The following CREB3L1 variants were observed in gnomAD, a reference collection of about 807,000 sequenced individuals.
CREB3L1 encodes cyclic AMP-responsive element-binding protein 3-like protein 1.
In CREB3L1, 33 loss-of-function variants were observed where a neutral mutation model predicts 54.5. That is an observed-to-expected ratio of 0.61 (90% CI 0.46 to 0.81). CREB3L1 has a LOEUF of 0.81. Ranked by LOEUF, CREB3L1 falls within the 30% of genes least tolerant of loss-of-function variation. CREB3L1 has a pLI of 0.00. For synonymous variants in CREB3L1, 284 were observed against 286.4 expected (o/e 0.99, Z 0.08); for missense variants, 656 against 673.3 (o/e 0.97, Z 0.29).
intron 5 of CREB3L1, among the ~76,000 whole-genome samples, chr11:46,311,712 G>C (rs9704813): frequency 0.22 from 32,996 of 152,006 alleles, 5,791 homozygotes; most frequent in African/African-American, 0.49. Flanking sequence ...TGGCCAAGCT[G>C]GTCTCAATCT....
At chr11:46,294,421 T>C (rs1939173172) in intron 1 of CREB3L1, among the ~76,000 whole-genome samples, 1 of 151,974 alleles carries the variant, frequency 6.6e-6, no homozygotes, top group Non-Finnish European at 1.5e-5. Flanking sequence ...GAAGACTAAT[T>C]CACTTTTCTA....
At chr11:46,313,441 C>T (rs1939519542) in intron 8 of CREB3L1, among the ~76,000 whole-genome samples, 2 of 152,108 alleles carry the variant, frequency 1.3e-5, no homozygotes, top group South Asian at 2.1e-4. Flanking sequence ...AATCTCAGCA[C>T]TTTGGGAGGA....
In CREB3L1 at chr11:46,320,240, G is replaced by A. The variant is rs865847506; in HGVS notation, c.1259-24G>A. On this transcript the variant is annotated intron_variant, in intron 10 of 11. Coordinates refer to ENST00000621158, the MANE Select transcript of CREB3L1 (RefSeq NM_052854.4). The stretch of plus-strand genomic sequence containing the variant: ...ATGTTGAGGGAATCTTGGGCACACC[G>A]CTCATCCTACACTCCCTCTCCAGTG... The A allele has an allele frequency of 1.3e-5, 20 of 1,560,414 alleles. No individual in the cohort carries two copies. In the Middle Eastern group the frequency reaches 5.2e-4, roughly 40 times the overall value.
rs981598789 is a variant in CREB3L1, at chr11:46,298,733, T to C, written c.103-1202T>C. ...AAAGAGAGAGAAAGAAACATTTCTTTACACATTTATAATTCTTTAGAGAGA... is the reference window on the plus strand; with the variant it reads ...AAAGAGAGAGAAAGAAACATTTCTTCACACATTTATAATTCTTTAGAGAGA... On this transcript the variant is annotated intron_variant, in intron 1 of 11. Transcript: ENST00000621158. Among the ~76,000 whole-genome samples the C allele has an allele frequency of 3.3e-5, 5 of 152,284 alleles. No homozygotes were observed. In the East Asian group the frequency reaches 9.6e-4, roughly 29 times the overall value.
chr11:46,291,601 A>C (rs1340926140), intron 1 of CREB3L1, among the ~76,000 whole-genome samples: 1 of 152,164 alleles, frequency 6.6e-6, no homozygotes, highest in Non-Finnish European at 1.5e-5. Flanking sequence ...GAAAATTGTA[A>C]TGATTTCTTT....
At chr11:46,290,333 C>T (rs1939111928) in intron 1 of CREB3L1, among the ~76,000 whole-genome samples, 1 of 152,078 alleles carries the variant, frequency 6.6e-6, no homozygotes, top group Admixed American at 6.5e-5. Context: ...TCTCTATGAA[C>T]CCCAGGGGCC....
chr11:46,302,850 G>T (rs770038062), intron 2 of CREB3L1, among the ~76,000 whole-genome samples: 3 of 152,136 alleles, frequency 2.0e-5, no homozygotes, highest in Non-Finnish European at 2.9e-5. Flanking sequence ...GCATGGTGGC[G>T]TGCGCCTGTA....
At chr11:46,300,893 T>C (rs1939288436) in intron 2 of CREB3L1, among the ~76,000 whole-genome samples, 2 of 151,696 alleles carry the variant, frequency 1.3e-5, no homozygotes, top group South Asian at 4.2e-4. Context: ...TAGTCCCAGC[T>C]ACTTGGGAAG....
At chr11:46,304,627 C>T (rs189734509) in intron 2 of CREB3L1, among the ~76,000 whole-genome samples, 4 of 152,186 alleles carry the variant, frequency 2.6e-5, no homozygotes, top group Admixed American at 2.0e-4. Flanking sequence ...GGGACATCCG[C>T]CCCTCTTAGG....
In CREB3L1 at chr11:46,320,347, C is replaced by G. The variant is rs1324475411; in HGVS notation, c.1342C>G (p.Pro448Ala). ...CAGCACCCTGCTGCCCATGGAGCCC[C>G]CAGATGGCTGGGAAATCAACCCCGG... ...GRSTLLPMEPPDGWEINPGGP... is the reference protein window; with the variant it reads ...GRSTLLPMEPADGWEINPGGP... The change falls in exon 11 of 12, where the codon CCA (proline) becomes GCA (alanine). Residue 448 changes from proline to alanine, a missense_variant. Around this residue, in one of 3 missense-constraint regions of CREB3L1, gnomAD observed 240 missense variants for 219.8 expected, o/e 1.09. Coordinates refer to ENST00000621158, the MANE Select transcript of CREB3L1 (RefSeq NM_052854.4). 1.3e-5 allele frequency: 21 copies of G among 1,612,172 alleles called. No homozygotes were observed. Among genetic ancestry groups the G allele is most frequent in the Non-Finnish European group, 1.8e-5 (21 of 1,179,248 alleles).
chr11:46,315,629 C>G (rs1030641898), intron 8 of CREB3L1: 1 of 182,542 alleles, frequency 5.5e-6, no homozygotes, highest in African/African-American at 2.3e-5. Flanking sequence ...GTCAGGAGTT[C>G]CAGACAAGCC....
chr11:46,317,535 C>A (rs766641069), intron 10 of CREB3L1, 48 bp downstream of exon 10: 1 of 1,595,794 alleles, frequency 6.3e-7, no homozygotes, highest in East Asian at 2.2e-5. Flanking sequence ...GGCTGCCCTG[C>A]CCCAGCCCCA....
intron 1 of CREB3L1, among the ~76,000 whole-genome samples, chr11:46,297,160 G>A (rs1057439299): frequency 1.3e-5 from 2 of 152,222 alleles, no homozygotes; most frequent in Admixed American, 6.5e-5. Context: ...TGGCGGAAGC[G>A]CCCCCAGCCG....
At chr11:46,302,912 C>T (rs551484596) in intron 2 of CREB3L1, among the ~76,000 whole-genome samples, 1 of 152,156 alleles carries the variant, frequency 6.6e-6, no homozygotes, top group South Asian at 2.1e-4. Flanking sequence ...ACCCGGGAGG[C>T]GGAGGTTGCA....
At chr11:46,297,580 T>G (rs1438135581) in intron 1 of CREB3L1, among the ~76,000 whole-genome samples, 3 of 149,548 alleles carry the variant, frequency 2.0e-5, no homozygotes, top group Non-Finnish European at 4.5e-5. Context: ...AATGCCAATA[T>G]GCATTTGTCT....
intron 1 of CREB3L1, among the ~76,000 whole-genome samples, chr11:46,283,191 T>C (rs1378881873): frequency 1.3e-5 from 2 of 152,088 alleles, no homozygotes; most frequent in Non-Finnish European, 2.9e-5. Flanking sequence ...ACCCTGTCTC[T>C]AAAAGTAATA....
Position 46,299,634 on chromosome 11 carries a change from G to C in CREB3L1, c.103-301G>C, listed in dbSNP as rs566551056. On this transcript the variant is annotated intron_variant, in intron 1 of 11. Coordinates refer to ENST00000621158, the MANE Select transcript of CREB3L1 (RefSeq NM_052854.4). Reference sequence around the variant, plus strand: ...CCCAGTGTCCTGTTGCCTGGTCCAGGGAGTTTTTGATCCCATCCTGAGCTC... The same window carrying C: ...CCCAGTGTCCTGTTGCCTGGTCCAGCGAGTTTTTGATCCCATCCTGAGCTC... Among the ~76,000 whole-genome samples the C allele has an allele frequency of 9.2e-5, 14 of 152,308 alleles. No individual in the cohort carries two copies. In the South Asian group the frequency reaches 2.9e-3, roughly 32 times the overall value.
At chr11:46,309,408 T>G (rs977083481) in intron 3 of CREB3L1, among the ~76,000 whole-genome samples, 1 of 152,222 alleles carries the variant, frequency 6.6e-6, no homozygotes, top group Non-Finnish European at 1.5e-5. Context: ...CAAGTCAGAA[T>G]AGAAATAAAG....
At chr11:46,320,231 G>T in intron 10 of CREB3L1, 33 bp from the exon 11 acceptor site, 1 of 1,546,002 alleles carries the variant, frequency 6.5e-7, no homozygotes, top group South Asian at 1.2e-5. Flanking sequence ...AGGGAATCTT[G>T]GGCACACCGC....
Sources: gnomAD v4.1 joint callset for allele counts (sites outside exome capture counted in the v4.1 genomes callset) on GRCh38, gnomAD v4.1.1 for gene constraint, gnomAD v4.1.1 regional missense constraint, MANE v1.5 for transcripts, NCBI Gene and HGNC (gene_info 2026-07-23, HGNC 2026-07-21) for gene names.